The following DPYSL2 variants were observed in gnomAD, a reference collection of about 807,000 sequenced individuals.
The protein encoded by DPYSL2 is dihydropyrimidinase-related protein 2.
DPYSL2 carries 13 observed loss-of-function variants against 69.9 expected under a neutral mutation model. The observed-to-expected ratio is 0.19, with a 90% CI of 0.12 to 0.30. The LOEUF is 0.30. Ranked by LOEUF, DPYSL2 falls within the 10% of genes least tolerant of loss-of-function variation. The probability of loss-of-function intolerance (pLI) is 1.00; values close to 1 mark genes in which losing one functional copy is unlikely to be tolerated. For synonymous variants in DPYSL2, 326 were observed against 359.1 expected (o/e 0.91, Z 1.04); for missense variants, 587 against 918.9 (o/e 0.64, Z 4.67).
At chr8:26,542,971 A>G (rs1563380179) in intron 1 of DPYSL2, among the ~76,000 whole-genome samples, 1 of 152,210 alleles carries the variant, frequency 6.6e-6, no homozygotes, top group East Asian at 1.9e-4. Context: ...GAATATTTTG[A>G]TAACTAAAAA....
chr8:26,650,001 C>G lies in DPYSL2; in HGVS notation c.1596+2201C>G, dbSNP rs1803249853. 6.6e-6 allele frequency among the ~76,000 whole-genome samples: 1 copy of G among 152,062 alleles called. No homozygotes were observed. Among genetic ancestry groups the G allele is most frequent in the African/African-American group, 2.4e-5 (1 of 41,394 alleles). ...GTGCTCATTTATAAGCAACAAGACT[C>G]AACGCATGCATTGTGTGAGATCTTG... On this transcript the variant is annotated intron_variant, in intron 11 of 13. Coordinates refer to ENST00000521913, the MANE Select transcript of DPYSL2 (RefSeq NM_001197293.3). This position sits in a 1 kb window ranked among gnomAD's most constrained non-coding sequence, Gnocchi z 5.3.
intron 7 of DPYSL2, among the ~76,000 whole-genome samples, chr8:26,630,716 G>T (rs1485062097): frequency 6.6e-6 from 1 of 152,158 alleles, no homozygotes; most frequent in East Asian, 1.9e-4. Flanking sequence ...GGGCTCCTTG[G>T]TTATCTCTCT....
intron 1 of DPYSL2, among the ~76,000 whole-genome samples, chr8:26,522,083 G>A (rs1396073609): frequency 1.3e-5 from 2 of 152,140 alleles, no homozygotes; most frequent in South Asian, 2.1e-4. Context: ...CAAGGTGGGC[G>A]GATCACTTGA....
At chr8:26,548,339 T>A (rs1800814448) in intron 1 of DPYSL2, 1 of 243,286 alleles carries the variant, frequency 4.1e-6, no homozygotes, top group Admixed American at 4.6e-5. Flanking sequence ...AGCTTTATCA[T>A]AATTTCAGAA....
intron 1 of DPYSL2, among the ~76,000 whole-genome samples, chr8:26,540,566 T>C (rs1800663115): frequency 6.6e-6 from 1 of 152,312 alleles, no homozygotes; most frequent in East Asian, 1.9e-4. Context: ...TCCTTAACAA[T>C]GGATGTCCTG....
At chr8:26,581,271 G>A (rs1801486331) in intron 1 of DPYSL2, among the ~76,000 whole-genome samples, 1 of 152,080 alleles carries the variant, frequency 6.6e-6, no homozygotes, top group Non-Finnish European at 1.5e-5. Context: ...GCTTGACACA[G>A]TCTTTCCAAG....
At chr8:26,528,581 A>G (rs1035967367) in intron 1 of DPYSL2, among the ~76,000 whole-genome samples, 4 of 151,416 alleles carry the variant, frequency 2.6e-5, no homozygotes, top group Non-Finnish European at 4.4e-5. Flanking sequence ...CGGTGGGTGG[A>G]GGTTGCAGTG....
intron 7 of DPYSL2, among the ~76,000 whole-genome samples, chr8:26,631,000 C>T (rs1259042533): frequency 6.6e-6 from 1 of 152,204 alleles, no homozygotes; most frequent in Admixed American, 6.5e-5. Flanking sequence ...GCCACTTCTG[C>T]AAATGCTACA....
At chr8:26,574,746 C>CATTT (rs1240307083) in intron 1 of DPYSL2, among the ~76,000 whole-genome samples, 3 of 151,964 alleles carry the variant, frequency 2.0e-5, no homozygotes, top group Non-Finnish European at 2.9e-5. Flanking sequence ...GTATAAGAAA[C>CATTT]ATTTATTTAT....
At chr8:26,646,795 A>C (rs1444854847) in intron 10 of DPYSL2, among the ~76,000 whole-genome samples, 1 of 152,014 alleles carries the variant, frequency 6.6e-6, no homozygotes, top group Non-Finnish European at 1.5e-5. Context: ...CTTCGAGCCC[A>C]GCTGGGCAAC....
chr8:26,641,904 C>T lies in DPYSL2; in HGVS notation c.1127-1535C>T, dbSNP rs182287809. ...GTGCAGAGCCAGCTCTCAGAGTGGC[C>T]GACAGGGAGGGTGTTGTGGTGTATC... On this transcript the variant is annotated intron_variant, in intron 8 of 13. Transcript: ENST00000521913. This position sits in a 1 kb window ranked among gnomAD's most constrained non-coding sequence, Gnocchi z 4.1. Among the ~76,000 whole-genome samples the T allele has an allele frequency of 5.9e-5, 9 of 152,206 alleles. No homozygotes were observed. Among genetic ancestry groups the T allele is most frequent in the Admixed American group, 4.6e-4 (7 of 15,296 alleles).
chr8:26,617,276 A>G lies in DPYSL2; in HGVS notation c.629-6867A>G, dbSNP rs929154797. Among the ~76,000 whole-genome samples, 4 of 152,230 alleles carry G rather than the reference A, an allele frequency of 2.6e-5. No homozygotes were observed. The highest frequency in any genetic ancestry group is 7.2e-5 in the African/African-American group (3 of 41,464). ...TCCATGTGAGTCTATAGTGAGTTTT[A>G]AAAAGAAAAAGTTCCAGCCTGGGCA... On this transcript the variant is annotated intron_variant, in intron 3 of 13. Coordinates refer to ENST00000521913, the MANE Select transcript of DPYSL2 (RefSeq NM_001197293.3). This position sits in a 1 kb window ranked among gnomAD's most constrained non-coding sequence, Gnocchi z 4.7.
intron 3 of DPYSL2, among the ~76,000 whole-genome samples, chr8:26,601,568 G>A (rs1801994098): frequency 6.6e-6 from 1 of 152,056 alleles, no homozygotes; most frequent in African/African-American, 2.4e-5. Flanking sequence ...TAGTAGAGAT[G>A]GGGTTTCACC....
chr8:26,562,512 T>C lies in DPYSL2; in HGVS notation c.355-19457T>C, dbSNP rs1170915401. ...CCACCACACTACAGCTGGAATAATA[T>C]ATAAAAAGTATTGGTCAGATTTTGT... On this transcript the variant is annotated intron_variant, in intron 1 of 13. Coordinates refer to ENST00000521913, the MANE Select transcript of DPYSL2 (RefSeq NM_001197293.3). The surrounding 1 kb of genome is among the most constrained non-coding windows in gnomAD (Gnocchi z 4.9). 1.3e-5 allele frequency among the ~76,000 whole-genome samples: 2 copies of C among 152,158 alleles called. No individual in the cohort carries two copies. Among genetic ancestry groups the C allele is most frequent in the African/African-American group, 2.4e-5 (1 of 41,448 alleles).
intron 1 of DPYSL2, among the ~76,000 whole-genome samples, chr8:26,552,613 T>C (rs1308881347): frequency 1.3e-5 from 2 of 152,198 alleles, no homozygotes. Context: ...GCGGGCCTTC[T>C]GGCCGGTGGG....
chr8:26,603,629 C>T (rs1802044027), intron 3 of DPYSL2, among the ~76,000 whole-genome samples: 1 of 152,206 alleles, frequency 6.6e-6, no homozygotes, highest in South Asian at 2.1e-4. Context: ...AACTGATCAT[C>T]ATCCCTAAAC....
chr8:26,551,462 G>A (rs574064677), intron 1 of DPYSL2, among the ~76,000 whole-genome samples: 2 of 152,256 alleles, frequency 1.3e-5, no homozygotes, highest in East Asian at 3.9e-4. Context: ...ATTTCAAGGA[G>A]ATATAAACAA....
chr8:26,598,353 G>T lies in DPYSL2; in HGVS notation c.628+14370G>T, dbSNP rs1474263312. On this transcript the variant is annotated intron_variant, in intron 3 of 13. Coordinates refer to ENST00000521913, the MANE Select transcript of DPYSL2 (RefSeq NM_001197293.3). This position sits in a 1 kb window ranked among gnomAD's most constrained non-coding sequence, Gnocchi z 4.2. Reference sequence around the variant, plus strand: ...CTATGAAATGGTTTATTTTTTTGTGGATGTTTTAGAGCTCCTCCTCTCCAT... The same window carrying T: ...CTATGAAATGGTTTATTTTTTTGTGTATGTTTTAGAGCTCCTCCTCTCCAT... Among the ~76,000 whole-genome samples, 1 of 152,120 alleles carries T rather than the reference G, an allele frequency of 6.6e-6. No homozygotes were observed. Among genetic ancestry groups the T allele is most frequent in the East Asian group, 1.9e-4 (1 of 5,186 alleles).
intron 3 of DPYSL2, among the ~76,000 whole-genome samples, chr8:26,616,335 G>A (rs533750699): frequency 4.4e-4 from 67 of 152,186 alleles, no homozygotes; most frequent in African/African-American, 1.5e-3. Context: ...TTCAAAAAAA[G>A]CCATTCCCTG....
Sources: gnomAD v4.1 joint callset for allele counts (sites outside exome capture counted in the v4.1 genomes callset) on GRCh38, gnomAD v4.1.1 for gene constraint, Gnocchi (gnomAD v3.1) non-coding constraint, MANE v1.5 for transcripts, NCBI Gene and HGNC (gene_info 2026-07-23, HGNC 2026-07-21) for gene names.